The following ARHGAP26 variants were observed in gnomAD, a reference collection of about 807,000 sequenced individuals.
ARHGAP26 encodes the protein Rho GTPase activating protein 26, also known as rho GTPase-activating protein 26.
A neutral mutation model predicts 104.8 loss-of-function variants in ARHGAP26; 38 were observed. The observed-to-expected ratio is 0.36, with a 90% confidence interval of 0.28 to 0.48. The LOEUF is 0.48. Ranked by LOEUF, ARHGAP26 falls within the 20% of genes least tolerant of loss-of-function variation. The pLI is 0.99. For synonymous variants in ARHGAP26, 341 were observed against 340.0 expected, an observed-to-expected ratio of 1.00 and a Z score of -0.03; for missense variants, 704 against 947.9, an observed-to-expected ratio of 0.74 and a Z score of 3.38.
intron 20 of ARHGAP26, among the ~76,000 whole-genome samples, chr5:143,193,750 A>G (rs1806330018): frequency 6.6e-6 from 1 of 152,234 alleles, no homozygotes; most frequent in Non-Finnish European, 1.5e-5. Flanking sequence ...AGATATTTTG[A>G]GACATTACAT....
intron 11 of ARHGAP26, among the ~76,000 whole-genome samples, chr5:142,997,775 G>A (rs1032785481): frequency 4.6e-5 from 7 of 150,910 alleles, no homozygotes; most frequent in Non-Finnish European, 7.4e-5. Flanking sequence ...TCATTTTGTG[G>A]TTTCTTTTGG....
At chr5:143,150,983 G>C (rs1403872313) in intron 20 of ARHGAP26, among the ~76,000 whole-genome samples, 3 of 152,040 alleles carry the variant, frequency 2.0e-5, no homozygotes, top group African/African-American at 7.3e-5. Flanking sequence ...GAAAAGACAA[G>C]CCACACACTA....
intron 11 of ARHGAP26, among the ~76,000 whole-genome samples, chr5:142,990,392 G>T (rs1480096905): frequency 1.3e-5 from 2 of 152,108 alleles, no homozygotes; most frequent in Non-Finnish European, 2.9e-5. Context: ...CTTTGTGATG[G>T]GTTCGAGCAT....
chr5:143,175,926 A>T (rs1599371485), intron 20 of ARHGAP26, among the ~76,000 whole-genome samples: 1 of 152,024 alleles, frequency 6.6e-6, no homozygotes, highest in Non-Finnish European at 1.5e-5. Context: ...CCAGCCTGGC[A>T]AACATGGTGA....
At chr5:142,928,961 C>T (rs907960649) in intron 10 of ARHGAP26, among the ~76,000 whole-genome samples, 8 of 152,098 alleles carry the variant, frequency 5.3e-5, no homozygotes, top group Admixed American at 1.3e-4. Context: ...TATTTTGAGA[C>T]GGAGTCTCGC....
chr5:143,082,415 G>T (rs1316167055), intron 17 of ARHGAP26, among the ~76,000 whole-genome samples: 1 of 152,182 alleles, frequency 6.6e-6, no homozygotes, highest in Non-Finnish European at 1.5e-5. Flanking sequence ...TTATGCCCAA[G>T]AATTTATGAG....
chr5:142,966,493 G>T (rs535166684), intron 11 of ARHGAP26, among the ~76,000 whole-genome samples: 2 of 152,306 alleles, frequency 1.3e-5, no homozygotes, highest in African/African-American at 4.8e-5. Flanking sequence ...CTTGGGTTAT[G>T]CTCAGCATTG....
At chr5:143,094,046 C>T (rs1333533881) in intron 17 of ARHGAP26, among the ~76,000 whole-genome samples, 1 of 152,170 alleles carries the variant, frequency 6.6e-6, no homozygotes, top group Non-Finnish European at 1.5e-5. Context: ...CTCATGGGGA[C>T]TTCTCACCTC....
chr5:142,784,840 C>G (rs970295876), intron 1 of ARHGAP26, among the ~76,000 whole-genome samples: 1 of 152,060 alleles, frequency 6.6e-6, no homozygotes, highest in South Asian at 2.1e-4. Context: ...CATCATTCCC[C>G]CAAAGCAATC....
chr5:142,835,190 T>A (rs1769307719), intron 1 of ARHGAP26, among the ~76,000 whole-genome samples: 1 of 152,252 alleles, frequency 6.6e-6, no homozygotes, highest in Non-Finnish European at 1.5e-5. Flanking sequence ...TGAAATAGCC[T>A]CTGTTTATCT....
chr5:143,028,229 A>G (rs1781358628), intron 12 of ARHGAP26, among the ~76,000 whole-genome samples: 2 of 152,182 alleles, frequency 1.3e-5, no homozygotes, highest in South Asian at 2.1e-4. Context: ...GCTCAGAGCA[A>G]TGTAGTCTGT....
At position 143,224,662 on chromosome 5, in the gene ARHGAP26, G is replaced by A. The variant is rs1307636395; in HGVS notation, c.*2216G>A. 4.3e-6 allele frequency: 1 copy of A among 230,020 alleles called. No homozygotes were observed. Among genetic ancestry groups the A allele is most frequent in the African/African-American group, 2.2e-5 (1 of 45,136 alleles). 14.2% of individuals were successfully genotyped at this position (230,020 alleles called of 1,614,324 possible). On this transcript the variant is annotated 3_prime_UTR_variant, in exon 23 of 23. Coordinates refer to ENST00000645722, the MANE Select transcript of ARHGAP26 (RefSeq NM_001135608.3). ...GTGGACAAGCTAGTTTTCAAATTTT[G>A]TGTGCGTCTGTAAGTTCTTAAAGAA...
rs541646685 is a variant in ARHGAP26, at chr5:143,222,334, G to A, written c.2192-24G>A. ...TCTATCTGTAATGCCATCTCTTCTC[G>A]CTTTCTCTCCCCTTCCTGTACAGTT... On this transcript the variant is annotated intron_variant, in intron 22 of 22. Coordinates refer to ENST00000645722, the MANE Select transcript of ARHGAP26 (RefSeq NM_001135608.3). 2.0e-5 allele frequency: 31 copies of A among 1,514,596 alleles called. No individual in the cohort carries two copies. The Admixed American group carries it at 2.1e-4, about 10-fold the overall frequency. The allele number at this position is 1,514,596 out of a possible 1,614,324, so 93.8% of individuals were successfully genotyped here. A position where few individuals can be genotyped will look rare whatever the true frequency, so the allele number is the denominator to read the frequency against.
At chr5:142,989,646 G>T (rs1775294714) in intron 11 of ARHGAP26, among the ~76,000 whole-genome samples, 2 of 152,156 alleles carry the variant, frequency 1.3e-5, no homozygotes. Flanking sequence ...TGTAGGGCAG[G>T]CCTGGTGGTG....
At chr5:143,097,360 GAAAAAAAAAAAAAAA>G (rs56116431) in intron 17 of ARHGAP26, among the ~76,000 whole-genome samples, 1 of 63,262 alleles carries the variant, frequency 1.6e-5, no homozygotes, top group Admixed American at 2.0e-4. Flanking sequence ...TCAAAAAAAA[GAAAAAAAAAAAAAAA>G]AAAAAAAAGA....
chr5:143,016,548 C>G (rs1000561762), intron 12 of ARHGAP26, among the ~76,000 whole-genome samples: 7 of 151,974 alleles, frequency 4.6e-5, no homozygotes, highest in African/African-American at 1.7e-4. Flanking sequence ...GCTAAAAATA[C>G]AAAAATTAGC....
chr5:143,134,832 A>G (rs1291328379), intron 19 of ARHGAP26, among the ~76,000 whole-genome samples: 1 of 152,250 alleles, frequency 6.6e-6, no homozygotes, highest in African/African-American at 2.4e-5. Context: ...ACTCATAGGA[A>G]GTTATGCGAA....
chr5:142,844,164 C>G (rs1771415705), intron 1 of ARHGAP26, among the ~76,000 whole-genome samples: 1 of 151,138 alleles, frequency 6.6e-6, no homozygotes, highest in Non-Finnish European at 1.5e-5. Context: ...GATTCTCATG[C>G]CTCAGCCTCC....
At chr5:143,220,288 T>C (rs1810969517) in intron 22 of ARHGAP26, among the ~76,000 whole-genome samples, 1 of 152,160 alleles carries the variant, frequency 6.6e-6, no homozygotes, top group Non-Finnish European at 1.5e-5. Context: ...GAAGCTTAGG[T>C]GGGTGGTAAG....
Sources: gnomAD v4.1 joint callset for allele counts (sites outside exome capture counted in the v4.1 genomes callset) on GRCh38, gnomAD v4.1.1 for gene constraint, MANE v1.5 for transcripts, NCBI Gene and HGNC (gene_info 2026-07-23, HGNC 2026-07-21) for gene names.